ENTREP2: variants seen among roughly 807,000 people sequenced by gnomAD.
ENTREP2 encodes endosomal transmembrane epsin interactor 2.
chr15:29,431,376 G>A, the ENTREP2 span, among the ~76,000 whole-genome samples: 1 of 152,200 alleles, frequency 6.6e-6, no homozygotes, highest in Admixed American at 6.5e-5. Flanking sequence ...GTAGGATCCA[G>A]CTGTGTCATT....
At chr15:29,374,928 G>T in the ENTREP2 span, 2 of 151,520 alleles carry the variant, frequency 1.3e-5, no homozygotes, top group African/African-American at 4.9e-5. Context: ...GTTCAACTGG[G>T]TTTTTTTTAT....
chr15:29,356,256 A>ATG, the ENTREP2 span, among the ~76,000 whole-genome samples: 7,266 of 102,194 alleles, frequency 0.071, 463 homozygotes, highest in East Asian at 0.11. Context: ...ATGTATATAT[A>ATG]TGTGTGTGTG....
chr15:29,276,112 AAATG>A, the ENTREP2 span, among the ~76,000 whole-genome samples: 1 of 152,208 alleles, frequency 6.6e-6, no homozygotes, highest in Non-Finnish European at 1.5e-5. Context: ...TGTCCCTCAT[AAATG>A]AATATTTTGA....
At chr15:29,455,791 G>C in the ENTREP2 span, among the ~76,000 whole-genome samples, 1 of 152,162 alleles carries the variant, frequency 6.6e-6, no homozygotes, top group Non-Finnish European at 1.5e-5. Context: ...GTTACCACCT[G>C]AGCTTTGCCT....
the ENTREP2 span, among the ~76,000 whole-genome samples, chr15:29,673,866 A>C: frequency 6.6e-6 from 1 of 152,134 alleles, no homozygotes; most frequent in Admixed American, 6.5e-5. Flanking sequence ...TCACTGTCAT[A>C]GTTGTCTGTT....
the ENTREP2 span, among the ~76,000 whole-genome samples, chr15:29,366,420 C>G: frequency 6.6e-6 from 1 of 152,138 alleles, no homozygotes; most frequent in East Asian, 1.9e-4. Flanking sequence ...TTTTTATCAG[C>G]TTTATTGAAG....
the ENTREP2 span, among the ~76,000 whole-genome samples, chr15:29,135,255 C>T: frequency 6.6e-6 from 1 of 152,144 alleles, no homozygotes; most frequent in Non-Finnish European, 1.5e-5. This position sits in a 1 kb window ranked among gnomAD's most constrained non-coding sequence, Gnocchi z 7.4. Flanking sequence ...GAGTTCTCTG[C>T]ATTTCCTAAA....
the ENTREP2 span, among the ~76,000 whole-genome samples, chr15:29,256,292 C>T: frequency 2.2e-4 from 33 of 152,072 alleles, no homozygotes; most frequent in Admixed American, 2.1e-3. Context: ...TGCAACACAC[C>T]CAGGTAACAA....
At chr15:29,389,957 C>T in the ENTREP2 span, among the ~76,000 whole-genome samples, 2 of 152,128 alleles carry the variant, frequency 1.3e-5, no homozygotes, top group African/African-American at 4.8e-5. Context: ...AATACGAAGG[C>T]CAAATAGATT....
At chr15:29,241,865 C>A in the ENTREP2 span, among the ~76,000 whole-genome samples, 1 of 151,934 alleles carries the variant, frequency 6.6e-6, no homozygotes, top group Admixed American at 6.6e-5. Flanking sequence ...AGACCCCCCC[C>A]CACCACCACC....
chr15:29,307,203 CAA>C, the ENTREP2 span, among the ~76,000 whole-genome samples: 2 of 150,662 alleles, frequency 1.3e-5, no homozygotes, highest in Admixed American at 1.3e-4. Context: ...TCCTTTTATA[CAA>C]AAAAAATTGA....
At chr15:29,169,321 GA>G in the ENTREP2 span, among the ~76,000 whole-genome samples, 4 of 151,256 alleles carry the variant, frequency 2.6e-5, no homozygotes, top group African/African-American at 4.9e-5. Context: ...AACATTTTGG[GA>G]AAAAAAAGGC....
At chr15:29,249,582 G>T in the ENTREP2 span, among the ~76,000 whole-genome samples, 1 of 151,808 alleles carries the variant, frequency 6.6e-6, no homozygotes, top group East Asian at 1.9e-4. Flanking sequence ...AATTTCTATA[G>T]TAAATGTATA....
the ENTREP2 span, among the ~76,000 whole-genome samples, chr15:29,470,383 T>C: frequency 2.6e-5 from 4 of 152,146 alleles, no homozygotes; most frequent in Non-Finnish European, 5.9e-5. Flanking sequence ...AGAGTACATT[T>C]ACCTGCTTCG....
chr15:29,517,683 T>C, the ENTREP2 span, among the ~76,000 whole-genome samples: 3 of 152,132 alleles, frequency 2.0e-5, no homozygotes, highest in Admixed American at 2.0e-4. Flanking sequence ...ACATCCTCCC[T>C]TTACATCCAT....
chr15:29,611,022 G>A, the ENTREP2 span: 3 of 152,186 alleles, frequency 2.0e-5, no homozygotes, highest in Admixed American at 2.0e-4. Flanking sequence ...TCAAAGAAAC[G>A]CAGTCTAGCA....
chr15:29,532,669 G>A, the ENTREP2 span, among the ~76,000 whole-genome samples: 4 of 152,172 alleles, frequency 2.6e-5, no homozygotes, highest in Non-Finnish European at 5.9e-5. Context: ...TTAAGTCTAA[G>A]TTCCAATTTT....
At chr15:29,288,947 C>A in the ENTREP2 span, among the ~76,000 whole-genome samples, 1 of 152,226 alleles carries the variant, frequency 6.6e-6, no homozygotes, top group South Asian at 2.1e-4. Context: ...GAGGCTCACG[C>A]CTGTAATTCC....
At chr15:29,191,898 G>T in the ENTREP2 span, among the ~76,000 whole-genome samples, 5 of 152,322 alleles carry the variant, frequency 3.3e-5, no homozygotes, top group African/African-American at 9.6e-5. Flanking sequence ...GGGCAACAGA[G>T]TGAGACCCTG....
Sources: allele counts gnomAD v4.1 joint callset (sites outside exome capture counted in the v4.1 genomes callset), GRCh38; gene constraint gnomAD v4.1.1; non-coding constraint Gnocchi (gnomAD v3.1); transcripts MANE v1.5; gene names NCBI Gene and HGNC (gene_info 2026-07-23, HGNC 2026-07-21).